The following DGCR8 variants were observed in gnomAD, a reference collection of about 807,000 sequenced individuals.
DGCR8 encodes microprocessor complex subunit DGCR8.
A neutral mutation model predicts 78.5 loss-of-function variants in DGCR8; 14 were observed. The observed-to-expected ratio is 0.18, with a 90% CI of 0.12 to 0.28. DGCR8 has a LOEUF of 0.28. Among genes scored for constraint, DGCR8 ranks in the 10% least tolerant of loss-of-function variants. The pLI, the probability that DGCR8 is intolerant of heterozygous loss-of-function variation, is 1.00. For synonymous variants in DGCR8, 399 were observed against 402.4 expected (o/e 0.99, Z 0.10); for missense variants, 702 against 1,022.5 (o/e 0.69, Z 4.28).
Position 20,111,265 on chromosome 22 carries a change from C to A in DGCR8, c.*1157C>A, listed in dbSNP as rs1015294659. On this transcript the variant is annotated 3_prime_UTR_variant, in exon 14 of 14. Coordinates refer to ENST00000351989, the MANE Select transcript of DGCR8 (RefSeq NM_022720.7). ...CCCTGGTGGTGGACTGGCACCTGTG[C>A]AGAGTGCCGTGTGCTTGTGGTGCGC... The A allele has an allele frequency of 4.4e-4, 176 of 398,790 alleles. No individual in the cohort carries two copies. Among genetic ancestry groups the A allele is most frequent in the African/African-American group, 3.4e-3 (165 of 48,706 alleles). 24.7% of individuals were successfully genotyped at this position (398,790 alleles called of 1,614,324 possible). A position where few individuals can be genotyped will look rare whatever the true frequency, so the allele number is the denominator to read the frequency against.
intron 7 of DGCR8, among the ~76,000 whole-genome samples, chr22:20,092,253 C>T (rs909020038): frequency 6.6e-6 from 1 of 152,178 alleles, no homozygotes; most frequent in Non-Finnish European, 1.5e-5. Flanking sequence ...TCATGGACAG[C>T]CTTATTGCGA....
At chr22:20,097,974 A>G (rs979424019) in intron 9 of DGCR8, among the ~76,000 whole-genome samples, 1 of 151,288 alleles carries the variant, frequency 6.6e-6, no homozygotes, top group Non-Finnish European at 1.5e-5. Context: ...TAAAAATACA[A>G]AAATTAGCTG....
chr22:20,111,357 G>GA lies in DGCR8; in HGVS notation c.*1250dup. 1 of 391,074 alleles carries GA rather than the reference G, an allele frequency of 2.6e-6. No individual in the cohort carries two copies. Among genetic ancestry groups the GA allele is most frequent in the Non-Finnish European group, 4.5e-6 (1 of 223,656 alleles). The allele number at this position is 391,074 out of a possible 1,614,324, so 24.2% of individuals were successfully genotyped here. On this transcript the variant is annotated 3_prime_UTR_variant, in exon 14 of 14. Transcript: ENST00000351989. ...CACCATGCCCCCTACAGGCGGTACT[G>GA]ATGGCGCTTTTTTTTTTTTTTCTGT... is the stretch of plus-strand genomic sequence containing the variant.
chr22:20,086,693 C>T lies in DGCR8; in HGVS notation c.720+10C>T. ...GAATTTCCCCTACGAGGTATGTTGG[C>T]AGCCCCTCCTCTAGAGGGCTCTTAG... On this transcript the variant is annotated intron_variant, in intron 2 of 13. Transcript: ENST00000351989. The surrounding 1 kb of genome is among the most constrained non-coding windows in gnomAD (Gnocchi z 6.4). 2 of 1,597,796 alleles carry T rather than the reference C, an allele frequency of 1.3e-6. No individual in the cohort carries two copies. Among genetic ancestry groups the T allele is most frequent in the Non-Finnish European group, 1.7e-6 (2 of 1,176,170 alleles).
intron 10 of DGCR8, 130 bp from the exon 11 acceptor site, chr22:20,106,462 C>A: frequency 1.2e-6 from 1 of 833,832 alleles, no homozygotes; most frequent in East Asian, 2.6e-5. Flanking sequence ...GGAGAATTCC[C>A]TCCTCTGGCT....
In DGCR8 at chr22:20,080,256, G is replaced by GC; in HGVS notation, c.-404dup. The GC allele has an allele frequency of 1.0e-6, 1 of 977,400 alleles. No individual in the cohort carries two copies. The highest frequency in any genetic ancestry group is 1.2e-6 in the Non-Finnish European group (1 of 824,730). The allele number at this position is 977,400 out of a possible 1,614,324, so 60.5% of individuals were successfully genotyped here. A position where few individuals can be genotyped will look rare whatever the true frequency, so the allele number is the denominator to read the frequency against. On this transcript the variant is annotated 5_prime_UTR_variant, in exon 1 of 14. Transcript: ENST00000351989. ...AAGGCCCGCCCTCCGCTCGCCCGGC[G>GC]CGGCAGGCGGGTGCCGGCGACCGGA...
chr22:20,082,018 T>C (rs1282711833), intron 1 of DGCR8, among the ~76,000 whole-genome samples: 1 of 152,058 alleles, frequency 6.6e-6, no homozygotes, highest in East Asian at 1.9e-4. Context: ...CCATCTATAG[T>C]TTTTCTGGAC....
At position 20,080,318 on chromosome 22, in the gene DGCR8, G is replaced by T; in HGVS notation, c.-343G>T. ...GGCTTTCCAGATGGCTGCGGCGGTC[G>T]GTCGGTGAGGCTTTCCCGGCTGTGG... On this transcript the variant is annotated 5_prime_UTR_variant, in exon 1 of 14. Transcript: ENST00000351989. The T allele has an allele frequency of 1.0e-6, 1 of 981,020 alleles. No individual in the cohort carries two copies. The highest frequency in any genetic ancestry group is 1.2e-6 in the Non-Finnish European group (1 of 828,210). 60.8% of individuals were successfully genotyped at this position (981,020 alleles called of 1,614,324 possible).
At chr22:20,102,449 T>C (rs1425794553) in intron 9 of DGCR8, among the ~76,000 whole-genome samples, 1 of 152,206 alleles carries the variant, frequency 6.6e-6, no homozygotes, top group East Asian at 1.9e-4. Flanking sequence ...CCATTCTTCC[T>C]TGAGGGACAC....
In DGCR8 at chr22:20,110,897, GTTTT is replaced by G; in HGVS notation, c.*792_*795del. On this transcript the variant is annotated 3_prime_UTR_variant, in exon 14 of 14. Transcript: ENST00000351989. ...CTGCCTTTCCTGGCCTCCGGCAACA[GTTTT>G]TTACAAAGATTTTTTGCAGTCGAGT... 2 of 311,666 alleles carry G rather than the reference GTTTT, an allele frequency of 6.4e-6. No homozygotes were observed. Among genetic ancestry groups the G allele is most frequent in the Non-Finnish European group, 1.2e-5 (2 of 172,104 alleles). The allele number at this position is 311,666 out of a possible 1,614,324, so 19.3% of individuals were successfully genotyped here.
At chr22:20,088,084 G>T (rs1236316744) in intron 3 of DGCR8, among the ~76,000 whole-genome samples, 2 of 152,280 alleles carry the variant, frequency 1.3e-5, no homozygotes, top group African/African-American at 4.8e-5. Flanking sequence ...GCACAAGGTG[G>T]CAGGGTGCGA....
chr22:20,085,989 C>T lies in DGCR8; in HGVS notation c.26C>T (p.Pro9Leu), dbSNP rs757595892. ...ATGGAGACAGATGAGAGCCCCTCTC[C>T]GCTCCCGTGTGGGCCCGCAGGAGAA... Reference protein sequence around the residue: METDESPSPLPCGPAGEAV... With the variant: METDESPSLLPCGPAGEAV... Residue 9 changes from proline to leucine, a missense_variant, in exon 2 of 14, where the codon CCG becomes CTG. By Grantham distance (98) the Pro-to-Leu change is moderately conservative. Coordinates refer to ENST00000351989, the MANE Select transcript of DGCR8 (RefSeq NM_022720.7). The surrounding 1 kb of genome is among the most constrained non-coding windows in gnomAD (Gnocchi z 6.2). 2.1e-5 allele frequency: 33 copies of T among 1,601,682 alleles called. No individual in the cohort carries two copies. Among genetic ancestry groups the T allele is most frequent in the Admixed American group, 5.1e-5 (3 of 58,878 alleles).
At chr22:20,099,665 T>A (rs79374459) in intron 9 of DGCR8, among the ~76,000 whole-genome samples, 6,313 of 152,324 alleles carry the variant, frequency 0.041, 177 homozygotes, top group South Asian at 0.094. Flanking sequence ...CTGAAAGAAT[T>A]AATTCTGACC....
intron 1 of DGCR8, among the ~76,000 whole-genome samples, chr22:20,082,589 G>A (rs528467065): frequency 6.6e-6 from 1 of 151,354 alleles, no homozygotes; most frequent in Non-Finnish European, 1.5e-5. Flanking sequence ...GGGTGGTGTC[G>A]ATCTCCTGAC....
At chr22:20,101,953 G>A (rs1342799347) in intron 9 of DGCR8, 9 of 985,166 alleles carry the variant, frequency 9.1e-6, no homozygotes, top group Non-Finnish European at 1.1e-5. Context: ...GATTAAAAAG[G>A]GAAAAAAGGA....
Position 20,087,892 on chromosome 22 carries a change from G to A in DGCR8, c.880+571G>A, listed in dbSNP as rs1261537520. On this transcript the variant is annotated intron_variant, in intron 3 of 13. Coordinates refer to ENST00000351989, the MANE Select transcript of DGCR8 (RefSeq NM_022720.7). This position sits in a 1 kb window ranked among gnomAD's most constrained non-coding sequence, Gnocchi z 4.1. ...AGGGTAGTGGGGAGAGCACTTGAGA[G>A]GCGCCCAGAGTTGCACTGTGAGGCT... 6.6e-6 allele frequency among the ~76,000 whole-genome samples: 1 copy of A among 152,148 alleles called. No individual in the cohort carries two copies. Among genetic ancestry groups the A allele is most frequent in the East Asian group, 1.9e-4 (1 of 5,188 alleles).
In DGCR8 at chr22:20,111,512, G is replaced by A; in HGVS notation, c.*1404G>A. 2.5e-6 allele frequency: 1 copy of A among 397,794 alleles called. No homozygotes were observed. The highest frequency in any genetic ancestry group is 3.6e-5 in the East Asian group (1 of 28,084). 24.6% of individuals were successfully genotyped at this position (397,794 alleles called of 1,614,324 possible). The stretch of plus-strand genomic sequence containing the variant: ...CTCAAATTGCTATAATTAGACACTT[G>A]CTTCTGTCTTGCCTCCTGTCTGCAG... On this transcript the variant is annotated 3_prime_UTR_variant, in exon 14 of 14. Coordinates refer to ENST00000351989, the MANE Select transcript of DGCR8 (RefSeq NM_022720.7).
Position 20,111,322 on chromosome 22 carries a change from G to C in DGCR8, c.*1214G>C. On this transcript the variant is annotated 3_prime_UTR_variant, in exon 14 of 14. Coordinates refer to ENST00000351989, the MANE Select transcript of DGCR8 (RefSeq NM_022720.7). ...AAGCAAGAGTCCAGCGTTCTGCCGT[G>C]TCTGTCCCCCACCATGCCCCCTACA... 1 of 398,334 alleles carries C rather than the reference G, an allele frequency of 2.5e-6. No individual in the cohort carries two copies. Among genetic ancestry groups the C allele is most frequent in the Admixed American group, 4.4e-5 (1 of 22,696 alleles). The allele number at this position is 398,334 out of a possible 1,614,324, so 24.7% of individuals were successfully genotyped here.
chr22:20,083,562 G>A (rs1319226691), intron 1 of DGCR8, among the ~76,000 whole-genome samples: 1 of 151,998 alleles, frequency 6.6e-6, no homozygotes, highest in African/African-American at 2.4e-5. Flanking sequence ...CCTTTGCTTG[G>A]AACGTCTACT....
Sources: allele counts gnomAD v4.1 joint callset (sites outside exome capture counted in the v4.1 genomes callset), GRCh38; gene constraint gnomAD v4.1.1; non-coding constraint Gnocchi (gnomAD v3.1); transcripts MANE v1.5; gene names NCBI Gene and HGNC (gene_info 2026-07-23, HGNC 2026-07-21).